The following RGMA variants were observed in gnomAD, a reference collection of about 807,000 sequenced individuals.
The protein encoded by RGMA is repulsive guidance molecule BMP co-receptor a, also known as repulsive guidance molecule A.
Under a neutral mutation model 23.2 loss-of-function variants are expected in RGMA, and 10 were observed. The observed-to-expected ratio is 0.43, with a 90% CI of 0.27 to 0.73. The LOEUF (loss-of-function observed/expected upper bound fraction) is 0.73. RGMA is among the 30% of genes least tolerant of loss of function. The probability of loss-of-function intolerance (pLI) is 0.20; values close to 1 mark genes in which losing one functional copy is unlikely to be tolerated. For missense variants in RGMA, 547 were observed against 630.5 expected, an observed-to-expected ratio of 0.87 and a Z score of 1.42; for synonymous variants, 308 against 279.3, an observed-to-expected ratio of 1.10 and a Z score of -1.03.
chr15:93,058,829 A>T (rs1414349480), intron 2 of RGMA, among the ~76,000 whole-genome samples: 1 of 152,156 alleles, frequency 6.6e-6, no homozygotes, highest in East Asian at 1.9e-4. Context: ...AGACGAACGA[A>T]GACAAGAGTT....
At chr15:93,047,843 C>A (rs904387781) in intron 3 of RGMA, among the ~76,000 whole-genome samples, 1 of 152,148 alleles carries the variant, frequency 6.6e-6, no homozygotes, top group Admixed American at 6.5e-5. Context: ...GGGCACAGTG[C>A]GAGGTGCTAG....
At chr15:93,059,022 C>T (rs1596090350) in intron 2 of RGMA, among the ~76,000 whole-genome samples, 1 of 151,882 alleles carries the variant, frequency 6.6e-6, no homozygotes, top group South Asian at 2.1e-4. Context: ...TCGCTACTGC[C>T]GATTAGAGGG....
At position 93,048,223 on chromosome 15, in the gene RGMA, A is replaced by G. The variant is rs565724558; in HGVS notation, c.646-2518T>C. 2.0e-5 allele frequency among the ~76,000 whole-genome samples: 3 copies of G among 152,232 alleles called. No homozygotes were observed. In the East Asian group the frequency reaches 5.8e-4, roughly 29 times the overall value. On this transcript the variant is annotated intron_variant, in intron 3 of 3. Transcript: ENST00000329082. Reference sequence around the variant, plus strand: ...ATTGGCATAAGATTTCGGGATGATGAGGTGGGGAGAACTGGTAGCCTGAGG... The same window carrying G: ...ATTGGCATAAGATTTCGGGATGATGGGGTGGGGAGAACTGGTAGCCTGAGG...
Position 93,038,177 on chromosome 15 carries a change from T to G in RGMA, c.*6821A>C, listed in dbSNP as rs2054680425. On this transcript the variant is annotated 3_prime_UTR_variant, in exon 4 of 4. Coordinates refer to ENST00000329082, the MANE Select transcript of RGMA (RefSeq NM_020211.3). ...GGTTGGGGGCCTTGGCTGTGCCGATTCAGAAGGTGGTGGTTTCCCAGGGGA... is the reference window on the plus strand; with the variant it reads ...GGTTGGGGGCCTTGGCTGTGCCGATGCAGAAGGTGGTGGTTTCCCAGGGGA... The G allele has an allele frequency of 6.6e-6, 1 of 152,254 alleles. No homozygotes were observed. Among genetic ancestry groups the G allele is most frequent in the Non-Finnish European group, 1.5e-5 (1 of 68,076 alleles). The allele number at this position is 152,254 out of a possible 1,614,324, so 9.4% of individuals were successfully genotyped here.
rs2054697288 is a variant in RGMA, at chr15:93,039,358, C to T, written c.*5640G>A. ...CTCTCCCCAAGCCCTGTCAGCCCCA[C>T]CTTCTTATTAGACCCCAAAGGCCAT... On this transcript the variant is annotated 3_prime_UTR_variant, in exon 4 of 4. Coordinates refer to ENST00000329082, the MANE Select transcript of RGMA (RefSeq NM_020211.3). 1 of 152,176 alleles carries T rather than the reference C, an allele frequency of 6.6e-6. No individual in the cohort carries two copies. Among genetic ancestry groups the T allele is most frequent in the Non-Finnish European group, 1.5e-5 (1 of 68,040 alleles). The allele number at this position is 152,176 out of a possible 1,614,324, so 9.4% of individuals were successfully genotyped here.
rs1402994034 is a variant in RGMA, at chr15:93,035,517, T to TC, written c.*9480dup. On this transcript the variant is annotated 3_prime_UTR_variant, in exon 4 of 4. Coordinates refer to ENST00000329082, the MANE Select transcript of RGMA (RefSeq NM_020211.3). ...TGAAGGCAGGCCAGGTGATCAGACG[T>TC]CCCCTGGAGGCCGTGGGGCATGAAG... 1 of 151,850 alleles carries TC rather than the reference T, an allele frequency of 6.6e-6. No individual in the cohort carries two copies. The highest frequency in any genetic ancestry group is 1.9e-4 in the East Asian group (1 of 5,162). The allele number at this position is 151,850 out of a possible 1,614,324, so 9.4% of individuals were successfully genotyped here. A position where few individuals can be genotyped will look rare whatever the true frequency, so the allele number is the denominator to read the frequency against.
chr15:93,066,139 T>C (rs1391696276), intron 2 of RGMA: 6 of 1,355,794 alleles, frequency 4.4e-6, no homozygotes, highest in East Asian at 2.4e-5. Flanking sequence ...CACGGGCACC[T>C]CCCCGGGCCC....
intron 2 of RGMA, among the ~76,000 whole-genome samples, chr15:93,064,429 T>C (rs1895073606): frequency 6.6e-6 from 1 of 152,244 alleles, no homozygotes; most frequent in Non-Finnish European, 1.5e-5. Flanking sequence ...CCTGGGCTCC[T>C]CCGCCTAGCC....
At chr15:93,064,664 T>TA (rs1418296217) in intron 2 of RGMA, among the ~76,000 whole-genome samples, 8 of 152,244 alleles carry the variant, frequency 5.3e-5, no homozygotes, top group Admixed American at 6.5e-5. Context: ...GGCATCACTG[T>TA]AATCGGGTAT....
At chr15:93,073,163 C>T in intron 1 of RGMA, 132 bp from the exon 2 acceptor site, 1 of 1,218,858 alleles carries the variant, frequency 8.2e-7, no homozygotes, top group Non-Finnish European at 1.0e-6. Context: ...GCGCGCTCCC[C>T]TTCCCGCGCC....
chr15:93,059,035 A>G (rs114679918), intron 2 of RGMA, among the ~76,000 whole-genome samples: 2,298 of 152,268 alleles, frequency 0.015, 55 homozygotes, highest in African/African-American at 0.052. Context: ...TTAGAGGGCA[A>G]GAATTTTGAT....
intron 1 of RGMA, among the ~76,000 whole-genome samples, chr15:93,087,432 G>T (rs1409447151): frequency 9.6e-6 from 1 of 104,602 alleles, no homozygotes; most frequent in Non-Finnish European, 1.8e-5. Context: ...CACTTGCTGT[G>T]GTAACAGCAA....
Position 93,044,783 on chromosome 15 carries a change from TCTA to T in RGMA, c.*212_*214del, listed in dbSNP as rs2054787160. On this transcript the variant is annotated 3_prime_UTR_variant, in exon 4 of 4. Coordinates refer to ENST00000329082, the MANE Select transcript of RGMA (RefSeq NM_020211.3). ...GGAGCTGCTCTCCCTCTCACACAGC[TCTA>T]CTGTCAAACATCATGGCACCAGTCA... 3.4e-6 allele frequency: 2 copies of T among 593,754 alleles called. No individual in the cohort carries two copies. The highest frequency in any genetic ancestry group is 2.8e-5 in the East Asian group (1 of 35,910). 36.8% of individuals were successfully genotyped at this position (593,754 alleles called of 1,614,324 possible).
Position 93,046,200 on chromosome 15 carries a change from A to T in RGMA, c.646-495T>A, listed in dbSNP as rs561189256. 1.9e-4 allele frequency among the ~76,000 whole-genome samples: 29 copies of T among 152,318 alleles called. No individual in the cohort carries two copies. The South Asian group carries it at 5.6e-3, about 29-fold the overall frequency. ...GATTACCTGGGTGGGCCCTAGATGG[A>T]ATCACAAGTATCTTTATAAGAAGGA... On this transcript the variant is annotated intron_variant, in intron 3 of 3. Coordinates refer to ENST00000329082, the MANE Select transcript of RGMA (RefSeq NM_020211.3).
At chr15:93,079,030 T>G (rs1168554487) in intron 1 of RGMA, among the ~76,000 whole-genome samples, 1 of 152,254 alleles carries the variant, frequency 6.6e-6, no homozygotes, top group Non-Finnish European at 1.5e-5. Flanking sequence ...CTGCAGTTAA[T>G]CACCATTTGT....
At chr15:93,061,843 G>A (rs761227213) in intron 2 of RGMA, among the ~76,000 whole-genome samples, 11 of 152,066 alleles carry the variant, frequency 7.2e-5, no homozygotes, top group Non-Finnish European at 1.2e-4. Context: ...GATTATTACC[G>A]CCCTGTTTGC....
At chr15:93,081,963 T>C (rs1302511321) in intron 1 of RGMA, among the ~76,000 whole-genome samples, 1 of 152,236 alleles carries the variant, frequency 6.6e-6, no homozygotes, top group African/African-American at 2.4e-5. Context: ...ACAGAGGCAA[T>C]ATAGCATGCT....
rs572179938 is a variant in RGMA, at chr15:93,047,927, G to A, written c.646-2222C>T. Among the ~76,000 whole-genome samples, 157 of 152,330 alleles carry A rather than the reference G, an allele frequency of 1.0e-3. 1 individual carries two copies. Among genetic ancestry groups the A allele is most frequent in the African/African-American group, 3.7e-3 (153 of 41,574 alleles). On this transcript the variant is annotated intron_variant, in intron 3 of 3. Coordinates refer to ENST00000329082, the MANE Select transcript of RGMA (RefSeq NM_020211.3). The stretch of plus-strand genomic sequence containing the variant: ...GAAACCACAGAAGGACCTCAGCTCA[G>A]GCAGGAGAGTCGCAGGAAGGTGGAA...
chr15:93,056,287 T>G (rs11852791), intron 2 of RGMA, among the ~76,000 whole-genome samples: 97,498 of 152,004 alleles, frequency 0.64, 31,494 homozygotes, highest in East Asian at 0.82. Flanking sequence ...GGTGGCGAAG[T>G]TTCAGAGAAG....
Sources: gnomAD v4.1 joint callset for allele counts (sites outside exome capture counted in the v4.1 genomes callset) on GRCh38, gnomAD v4.1.1 for gene constraint, MANE v1.5 for transcripts, NCBI Gene and HGNC (gene_info 2026-07-23, HGNC 2026-07-21) for gene names.